The following ITGB2 variants were observed in gnomAD, a reference collection of about 807,000 sequenced individuals.
ITGB2 encodes integrin beta-2.
Under a neutral mutation model 86.8 loss-of-function variants are expected in ITGB2, and 56 were observed. The ratio of observed to expected loss-of-function variants is 0.65; its 90% confidence interval spans 0.52 to 0.81. ITGB2 has a LOEUF of 0.81. ITGB2 is among the 30% of genes least tolerant of loss of function. The pLI is 0.00. For missense variants in ITGB2, 948 were observed against 1,061.2 expected, an observed-to-expected ratio of 0.89 and a Z score of 1.48; for synonymous variants, 457 against 450.4, an observed-to-expected ratio of 1.01 and a Z score of -0.19.
chr21:44,918,856 C>G (rs1489533550), intron 1 of ITGB2, among the ~76,000 whole-genome samples: 2 of 138,188 alleles, frequency 1.4e-5, no homozygotes, highest in Non-Finnish European at 3.1e-5. Flanking sequence ...TGCCAGGAGG[C>G]CCTGCTTCTC....
At position 44,893,446 on chromosome 21, in the gene ITGB2, G is replaced by T; in HGVS notation, c.1182C>A (p.Asn394Lys). Residue 394 changes from asparagine (N) to lysine (K), a missense_variant, in exon 10 of 16, where the codon AAC (asparagine) becomes AAA (lysine). By Grantham distance (94) the Asn-to-Lys change is moderately conservative (BLOSUM62 0). Coordinates refer to ENST00000652462, the MANE Select transcript of ITGB2 (RefSeq NM_000211.5). ...SFCSNGVTHR[N>K]QPRGDCDGVQ... ...CGCCATCACAGTCACCTCTGGGCTG[G>T]TTCCTGTGCGTCACTCCATTGCTGC... 1 of 1,614,184 alleles carries T rather than the reference G, an allele frequency of 6.2e-7. No homozygotes were observed. Among genetic ancestry groups the T allele is most frequent in the Non-Finnish European group, 8.5e-7 (1 of 1,180,022 alleles).
intron 13 of ITGB2, 88 bp from the exon 14 acceptor site, chr21:44,888,983 G>T: frequency 8.1e-7 from 1 of 1,230,002 alleles, no homozygotes; most frequent in East Asian, 2.5e-5. Context: ...GTCCACCAGG[G>T]GGGGCAGGTG....
intron 1 of ITGB2, among the ~76,000 whole-genome samples, chr21:44,918,385 G>A (rs553120410): frequency 1.3e-5 from 2 of 152,384 alleles, no homozygotes; most frequent in South Asian, 4.1e-4. Flanking sequence ...CCTGGTACCT[G>A]GTGGGGCCCG....
At chr21:44,896,495 T>C (rs2083872950) in intron 8 of ITGB2, among the ~76,000 whole-genome samples, 1 of 152,178 alleles carries the variant, frequency 6.6e-6, no homozygotes, top group South Asian at 2.1e-4. Context: ...GAGCAGATGG[T>C]CGGGTCACCT....
chr21:44,899,297 GGCTGCCACGCAGGAGTGCAGGGCAGAGA>G (rs1396831913), intron 7 of ITGB2, 135 bp from the exon 8 acceptor site: 5 of 717,380 alleles, frequency 7.0e-6, no homozygotes, highest in South Asian at 3.1e-5. Context: ...GAGAGGCAGA[GGCTGCCACGCAGGAGTGCAGGGCAGAGA>G]GCTGCCACGC....
intron 8 of ITGB2, among the ~76,000 whole-genome samples, chr21:44,896,800 G>A (rs2083877220): frequency 6.6e-6 from 1 of 152,248 alleles, no homozygotes; most frequent in Admixed American, 6.5e-5. Flanking sequence ...AGGAAAGGCT[G>A]AGGAAGGCTT....
At chr21:44,915,577 A>T (rs1458189022) in intron 1 of ITGB2, among the ~76,000 whole-genome samples, 1 of 152,200 alleles carries the variant, frequency 6.6e-6, no homozygotes, top group Non-Finnish European at 1.5e-5. Flanking sequence ...TGGGAACTGA[A>T]GGCTCAAGGG....
At position 44,893,410 on chromosome 21, in the gene ITGB2, A is replaced by T; in HGVS notation, c.1218T>A (p.Asn406Lys). 1 of 1,613,936 alleles carries T rather than the reference A, an allele frequency of 6.2e-7. No homozygotes were observed. Among genetic ancestry groups the T allele is most frequent in the Non-Finnish European group, 8.5e-7 (1 of 1,179,938 alleles). The change falls in exon 10 of 16, where the codon AAT (asparagine) becomes AAA (lysine). Residue 406 changes from asparagine (N) to lysine (K), a missense_variant. Coordinates refer to ENST00000652462, the MANE Select transcript of ITGB2 (RefSeq NM_000211.5). ...CCCTTGTGGCCAGGCTCACCGGGACATTGATCTGCACGCCATCACAGTCAC... is the reference window on the plus strand; with the variant it reads ...CCCTTGTGGCCAGGCTCACCGGGACTTTGATCTGCACGCCATCACAGTCAC... ...PRGDCDGVQI[N>K]VPITFQVKVT...
At chr21:44,889,153 G>A (rs1022715493) in intron 13 of ITGB2, 123 bp downstream of exon 13, 33 of 945,546 alleles carry the variant, frequency 3.5e-5, no homozygotes, top group East Asian at 1.5e-4. Context: ...CAGTCCAGAC[G>A]CACCCGCAGA....
chr21:44,903,238 G>C lies in ITGB2; in HGVS notation c.499+127C>G. ...CTGCAGCCCTGTGGATGCCCTGGGG[G>C]GACCTGCATCTGGGGCCCCCAGATC... On this transcript the variant is annotated intron_variant, in intron 5 of 15. Coordinates refer to ENST00000652462, the MANE Select transcript of ITGB2 (RefSeq NM_000211.5). The C allele has an allele frequency of 2.8e-6, 3 of 1,073,920 alleles. No homozygotes were observed. In the South Asian group the frequency reaches 3.9e-5, roughly 14 times the overall value. The allele number at this position is 1,073,920 out of a possible 1,614,324, so 66.5% of individuals were successfully genotyped here. A position where few individuals can be genotyped will look rare whatever the true frequency, so the allele number is the denominator to read the frequency against.
chr21:44,922,646 C>A (rs1424320780), upstream of ITGB2, among the ~76,000 whole-genome samples: 1 of 121,986 alleles, frequency 8.2e-6, no homozygotes, highest in African/African-American at 3.5e-5. Context: ...GCACTCCAGT[C>A]TGGGTAACTG....
chr21:44,923,809 A>G (rs1322790950), upstream of ITGB2, among the ~76,000 whole-genome samples: 2 of 152,248 alleles, frequency 1.3e-5, no homozygotes, highest in Non-Finnish European at 2.9e-5. Flanking sequence ...ACAATTAAAA[A>G]GTAAAAAGTG....
upstream of ITGB2, among the ~76,000 whole-genome samples, chr21:44,923,848 T>C (rs1450457540): frequency 1.3e-5 from 2 of 152,126 alleles, no homozygotes; most frequent in Admixed American, 1.3e-4. Flanking sequence ...AGATAAACTG[T>C]TAAAAGAGAA....
At chr21:44,921,264 C>T (rs2084299771), upstream of ITGB2, 2 of 152,262 alleles carry the variant, frequency 1.3e-5, no homozygotes, top group African/African-American at 4.8e-5. Flanking sequence ...GAATGAAAAA[C>T]CCTGGGGAGC....
intron 7 of ITGB2, among the ~76,000 whole-genome samples, 161 bp downstream of exon 7, chr21:44,900,159 C>G (rs2083929824): frequency 6.6e-6 from 1 of 152,222 alleles, no homozygotes; most frequent in African/African-American, 2.4e-5. Context: ...TGAGGCCAGT[C>G]CGGGGAGACC....
intron 10 of ITGB2, among the ~76,000 whole-genome samples, chr21:44,892,407 G>A (rs570719564): frequency 3.9e-5 from 6 of 152,156 alleles, no homozygotes; most frequent in Non-Finnish European, 7.4e-5. Context: ...ATCATCTGAG[G>A]GCAAGAGTTT....
At chr21:44,923,396 G>C (rs2084333263), upstream of ITGB2, among the ~76,000 whole-genome samples, 2 of 136,490 alleles carry the variant, frequency 1.5e-5, no homozygotes, top group Non-Finnish European at 3.1e-5. Context: ...ATCTTTTAGA[G>C]TTACATGTTG....
At chr21:44,918,619 C>T (rs1256266780) in intron 1 of ITGB2, among the ~76,000 whole-genome samples, 2 of 152,252 alleles carry the variant, frequency 1.3e-5, no homozygotes, top group Non-Finnish European at 2.9e-5. Context: ...CCTGGATGGC[C>T]GCGGCCCCTG....
At position 44,907,022 on chromosome 21, in the gene ITGB2, G is replaced by A. The variant is rs201354221; in HGVS notation, c.221C>T (p.Ala74Val). The A allele has an allele frequency of 2.6e-5, 42 of 1,613,916 alleles. No homozygotes were observed. The highest frequency in any genetic ancestry group is 1.7e-4 in the Middle Eastern group (1 of 6,050). The change falls in exon 4 of 16, where the codon GCG (alanine) becomes GTG (valine). Residue 74 changes from alanine to valine, a missense_variant. Ala to Val is a moderately conservative substitution (Grantham distance 64). Transcript: ENST00000652462. ...TGTGGGGTCCATGATGTCGTCAGCC[G>A]CACAGCCCCTCATGAGCAGCTGTGG... is the stretch of plus-strand genomic sequence containing the variant. ...TRPQLLMRGCAADDIMDPTSL... is the reference protein window; with the variant it reads ...TRPQLLMRGCVADDIMDPTSL...
Sources: gnomAD v4.1 joint callset for allele counts (sites outside exome capture counted in the v4.1 genomes callset) on GRCh38, gnomAD v4.1.1 for gene constraint, MANE v1.5 for transcripts, NCBI Gene and HGNC (gene_info 2026-07-23, HGNC 2026-07-21) for gene names.